The following PCDHA11 variants were observed in gnomAD, a reference collection of about 807,000 sequenced individuals.
PCDHA11 encodes the protein protocadherin alpha 11.
PCDHA11 carries 61 observed loss-of-function variants against 70.3 expected under a neutral mutation model. That is an observed-to-expected ratio of 0.87 (90% CI 0.71 to 1.07). The LOEUF is 1.07. PCDHA11 is among the 50% of genes least tolerant of loss of function. The pLI is 0.00. For synonymous variants in PCDHA11, 633 were observed against 555.1 expected, an observed-to-expected ratio of 1.14 and a Z score of -1.97; for missense variants, 1,324 against 1,237.5, an observed-to-expected ratio of 1.07 and a Z score of -1.05.
chr5:140,882,859 G>A (rs2059337136), intron 1 of PCDHA11: 1 of 1,614,192 alleles, frequency 6.2e-7, no homozygotes, highest in East Asian at 2.2e-5. Context: ...TTGTACTGAG[G>A]AAAACACTGG....
intron 3 of PCDHA11, among the ~76,000 whole-genome samples, chr5:140,999,514 A>G (rs782202425): frequency 1.4e-4 from 22 of 152,210 alleles, no homozygotes; most frequent in Non-Finnish European, 1.0e-4. Context: ...CATTTTAAGC[A>G]TTTTGTTACC....
intron 3 of PCDHA11, among the ~76,000 whole-genome samples, chr5:140,993,009 G>C (rs1228975075): frequency 3.9e-5 from 6 of 152,172 alleles, no homozygotes; most frequent in Non-Finnish European, 8.8e-5. Flanking sequence ...CCTCCCCAGA[G>C]TCCAGCATCC....
intron 1 of PCDHA11, chr5:140,967,283 C>T: frequency 6.2e-7 from 1 of 1,613,158 alleles, no homozygotes; most frequent in Non-Finnish European, 8.5e-7. Context: ...AGAGAGTGCG[C>T]AGGACCCCGA....
intron 1 of PCDHA11, among the ~76,000 whole-genome samples, chr5:140,926,042 T>A (rs1316278838): frequency 2.0e-5 from 3 of 152,148 alleles, no homozygotes; most frequent in African/African-American, 7.2e-5. Context: ...CGGACACTAT[T>A]CCCCAACCTT....
In PCDHA11 at chr5:140,870,942, G is replaced by A. The variant is rs782286042; in HGVS notation, c.1839G>A (p.Ala613=). ...NAWLSYELQP[A]AGGSRIPFRV... ...GGCTTTCATATGAATTGCAGCCGGC[G>A]GCGGGCGGCTCGCGCATCCCGTTCC... Residue 613 remains alanine, a synonymous_variant, in exon 1 of 4, where the codon GCG becomes GCA. Transcript: ENST00000398640. The A allele has an allele frequency of 5.0e-6, 8 of 1,613,740 alleles. No individual in the cohort carries two copies. The Admixed American group carries it at 6.7e-5, about 13-fold the overall frequency.
At chr5:140,931,440 AT>A (rs2153608083) in intron 1 of PCDHA11, among the ~76,000 whole-genome samples, 1 of 141,482 alleles carries the variant, frequency 7.1e-6, no homozygotes, top group South Asian at 2.3e-4. Flanking sequence ...AAAATTAGCT[AT>A]TTAAAAGGAA....
At chr5:140,988,366 G>A (rs1384658783) in intron 3 of PCDHA11, among the ~76,000 whole-genome samples, 2 of 152,122 alleles carry the variant, frequency 1.3e-5, no homozygotes, top group Non-Finnish European at 2.9e-5. Flanking sequence ...TTACTTTCTG[G>A]GGTTGTGAAA....
intron 1 of PCDHA11, among the ~76,000 whole-genome samples, chr5:140,891,410 A>T: frequency 7.7e-6 from 1 of 130,320 alleles, no homozygotes; most frequent in East Asian, 2.5e-4. Context: ...GCCACCCCCC[A>T]CTCTTGCCCC....
intron 1 of PCDHA11, among the ~76,000 whole-genome samples, chr5:140,899,726 T>A (rs1406076879): frequency 6.6e-6 from 1 of 152,236 alleles, no homozygotes; most frequent in East Asian, 1.9e-4. Flanking sequence ...CCTCTTTTTC[T>A]ATTGATTGGA....
chr5:140,887,643 T>C (rs1392264032), intron 1 of PCDHA11, among the ~76,000 whole-genome samples: 2 of 152,148 alleles, frequency 1.3e-5, no homozygotes, highest in African/African-American at 4.8e-5. Flanking sequence ...TTGGGGTTTG[T>C]TGATATTCTT....
At chr5:140,893,762 T>A (rs1337056301) in intron 1 of PCDHA11, among the ~76,000 whole-genome samples, 1 of 152,196 alleles carries the variant, frequency 6.6e-6, no homozygotes, top group Non-Finnish European at 1.5e-5. Context: ...TATAGGTGAC[T>A]TGTCACTTTT....
intron 1 of PCDHA11, among the ~76,000 whole-genome samples, chr5:140,955,465 T>C (rs2095187437): frequency 6.6e-6 from 1 of 152,128 alleles, no homozygotes; most frequent in Non-Finnish European, 1.5e-5. Flanking sequence ...TTTTCCTTTT[T>C]GCTTGGCACC....
chr5:140,906,930 G>A (rs1006674722), intron 1 of PCDHA11, among the ~76,000 whole-genome samples: 3 of 152,246 alleles, frequency 2.0e-5, no homozygotes, highest in Non-Finnish European at 4.4e-5. Flanking sequence ...AAAGTGTCCC[G>A]GTGTCAATCT....
chr5:140,939,246 C>A (rs536477969), intron 1 of PCDHA11, among the ~76,000 whole-genome samples: 1 of 152,112 alleles, frequency 6.6e-6, no homozygotes, highest in South Asian at 2.1e-4. Context: ...AGCAAGGTAG[C>A]TCTCTGGAAC....
intron 1 of PCDHA11, among the ~76,000 whole-genome samples, chr5:140,925,082 AAAGGAAGG>A (rs138596875): frequency 4.1e-5 from 6 of 147,388 alleles, no homozygotes; most frequent in Admixed American, 1.3e-4. Flanking sequence ...GCTCATCTGG[AAAGGAAGG>A]AAGGAAGGAA....
chr5:140,888,003 A>G (rs1187660261), intron 1 of PCDHA11, among the ~76,000 whole-genome samples: 1 of 152,112 alleles, frequency 6.6e-6, no homozygotes, highest in African/African-American at 2.4e-5. Context: ...CCGAATAGTC[A>G]TCTTTTTATC....
At chr5:140,876,168 C>A in intron 1 of PCDHA11, 5 of 1,613,918 alleles carry the variant, frequency 3.1e-6, no homozygotes, top group Non-Finnish European at 4.2e-6. Context: ...AAATAACCGT[C>A]CTGGATGTGA....
Position 140,929,131 on chromosome 5 carries a change from G to A in PCDHA11, c.2392-49818G>A, listed in dbSNP as rs782040825. ...ATCAGCCACCATAGATGTCACTACA[G>A]TTGAGAGACTTTCTCAGACTTATCT... On this transcript the variant is annotated intron_variant, in intron 1 of 3. Coordinates refer to ENST00000398640, the MANE Select transcript of PCDHA11 (RefSeq NM_018902.5). 5.0e-6 allele frequency: 8 copies of A among 1,614,036 alleles called. No homozygotes were observed. The East Asian group carries it at 6.7e-5, about 13-fold the overall frequency.
chr5:140,950,981 TG>T (rs1443074941), intron 1 of PCDHA11, among the ~76,000 whole-genome samples: 1 of 152,138 alleles, frequency 6.6e-6, no homozygotes, highest in East Asian at 1.9e-4. Context: ...CATTGACTTT[TG>T]CCTCTTTTAG....
Sources: allele counts gnomAD v4.1 joint callset (sites outside exome capture counted in the v4.1 genomes callset), GRCh38; gene constraint gnomAD v4.1.1; transcripts MANE v1.5; gene names NCBI Gene and HGNC (gene_info 2026-07-23, HGNC 2026-07-21).